The following FAM210A variants were observed in gnomAD, a reference collection of about 807,000 sequenced individuals.
FAM210A encodes mitochondrial inner membrane scaffold 1, also known as family with sequence similarity 210 member A.
In FAM210A, 13 loss-of-function variants were observed where a neutral mutation model predicts 25.3. The ratio of observed to expected loss-of-function variants is 0.51; its 90% CI spans 0.33 to 0.82. The LOEUF (loss-of-function observed/expected upper bound fraction) is 0.82, where lower values mean the gene tolerates loss of function less well. Among genes scored for constraint, FAM210A ranks in the 40% least tolerant of loss-of-function variants. The pLI, the probability that FAM210A is intolerant of heterozygous loss-of-function variation, is 0.02. For missense variants in FAM210A, 319 were observed against 323.2 expected (o/e 0.99, Z 0.10); for synonymous variants, 125 against 118.7 (o/e 1.05, Z -0.35).
intron 1 of FAM210A, among the ~76,000 whole-genome samples, chr18:13,683,048 A>G (rs1372606986): frequency 6.6e-6 from 1 of 152,172 alleles, no homozygotes; most frequent in Non-Finnish European, 1.5e-5. Context: ...ATATAATTCC[A>G]CATAATTCCC....
At chr18:13,691,153 T>C (rs769475279) in intron 1 of FAM210A, among the ~76,000 whole-genome samples, 12 of 152,120 alleles carry the variant, frequency 7.9e-5, no homozygotes, top group Non-Finnish European at 1.3e-4. Context: ...AGAAAGGGTA[T>C]CAGTGATTGA....
chr18:13,685,290 A>T (rs2043587233), intron 1 of FAM210A, among the ~76,000 whole-genome samples: 1 of 145,570 alleles, frequency 6.9e-6, no homozygotes, highest in Non-Finnish European at 1.5e-5. Flanking sequence ...GACCCTGCAA[A>T]GCCATTTTTT....
intron 1 of FAM210A, among the ~76,000 whole-genome samples, chr18:13,714,124 T>TTG (rs2043842941): frequency 6.6e-6 from 1 of 152,230 alleles, no homozygotes; most frequent in Non-Finnish European, 1.5e-5. Flanking sequence ...TGTAACCCTT[T>TTG]TGGCACCTAG....
At chr18:13,693,647 A>G (rs2043668538) in intron 1 of FAM210A, among the ~76,000 whole-genome samples, 1 of 152,234 alleles carries the variant, frequency 6.6e-6, no homozygotes, top group Admixed American at 6.5e-5. Flanking sequence ...CAAAAACCAC[A>G]TGATTATCTC....
chr18:13,682,868 C>T (rs1027097497), intron 1 of FAM210A, among the ~76,000 whole-genome samples: 1 of 151,974 alleles, frequency 6.6e-6, no homozygotes, highest in African/African-American at 2.4e-5. Flanking sequence ...GACTCCGTTT[C>T]AAAAATAAAA....
At position 13,664,875 on chromosome 18, in the gene FAM210A, G is replaced by A. The variant is rs962120874; in HGVS notation, c.*1605C>T. 3 of 152,344 alleles carry A rather than the reference G, an allele frequency of 2.0e-5. No individual in the cohort carries two copies. Among genetic ancestry groups the A allele is most frequent in the Middle Eastern group, 3.4e-3 (1 of 294 alleles). The allele number at this position is 152,344 out of a possible 1,614,324, so 9.4% of individuals were successfully genotyped here. On this transcript the variant is annotated 3_prime_UTR_variant, in exon 4 of 4. Transcript: ENST00000651643. ...ACCCAGACATTCTCTCGCCTTAGCA[G>A]ATAAGTCAAAACAAGGACAATCTAA...
intron 1 of FAM210A, among the ~76,000 whole-genome samples, chr18:13,708,106 G>A (rs935776241): frequency 1.3e-5 from 2 of 152,136 alleles, no homozygotes; most frequent in Non-Finnish European, 2.9e-5. Flanking sequence ...TCTCTGCTGC[G>A]GTTCCCATTG....
At chr18:13,684,602 T>C (rs2043581364) in intron 1 of FAM210A, among the ~76,000 whole-genome samples, 2 of 152,176 alleles carry the variant, frequency 1.3e-5, no homozygotes, top group East Asian at 3.9e-4. Flanking sequence ...GGAAAGAAAT[T>C]CACTCTTAGA....
At chr18:13,674,223 C>A (rs1177528873) in intron 2 of FAM210A, among the ~76,000 whole-genome samples, 17 of 121,782 alleles carry the variant, frequency 1.4e-4, no homozygotes, top group South Asian at 2.9e-4. Flanking sequence ...CATTCCTGAG[C>A]CCCGACTTTA....
chr18:13,693,502 A>G (rs1192388924), intron 1 of FAM210A, among the ~76,000 whole-genome samples: 1 of 152,254 alleles, frequency 6.6e-6, no homozygotes, highest in Admixed American at 6.5e-5. Context: ...TCAATAAAAT[A>G]CTGGCAAACC....
At chr18:13,689,690 T>C (rs1238706251) in intron 1 of FAM210A, among the ~76,000 whole-genome samples, 3 of 152,190 alleles carry the variant, frequency 2.0e-5, no homozygotes, top group Non-Finnish European at 4.4e-5. Flanking sequence ...ATTTAAAAAG[T>C]ATACCGATTG....
chr18:13,691,451 T>C (rs1413587873), intron 1 of FAM210A, among the ~76,000 whole-genome samples: 1 of 152,048 alleles, frequency 6.6e-6, no homozygotes, highest in Non-Finnish European at 1.5e-5. Context: ...AGACACATAA[T>C]TGTCAGATTC....
At chr18:13,705,540 C>T (rs1369860296) in intron 1 of FAM210A, among the ~76,000 whole-genome samples, 2 of 152,122 alleles carry the variant, frequency 1.3e-5, no homozygotes, top group Non-Finnish European at 2.9e-5. Context: ...GGCATGATCT[C>T]GGCCCACTGC....
intron 1 of FAM210A, among the ~76,000 whole-genome samples, chr18:13,701,114 G>C (rs2043735823): frequency 6.6e-6 from 1 of 152,178 alleles, no homozygotes; most frequent in African/African-American, 2.4e-5. Context: ...AGTGGGATCT[G>C]AAATAGAGCT....
chr18:13,687,137 G>T lies in FAM210A; in HGVS notation c.-28-5032C>A, dbSNP rs1787877. Among the ~76,000 whole-genome samples, 3 of 152,176 alleles carry T rather than the reference G, an allele frequency of 2.0e-5. No individual in the cohort carries two copies. In the South Asian group the frequency reaches 6.2e-4, roughly 32 times the overall value. Reference sequence around the variant, plus strand: ...AACTTAAAGGTATATTTAAGAATCAGCTGGGAATAAAAATGAAATTGTAAT... The same window carrying T: ...AACTTAAAGGTATATTTAAGAATCATCTGGGAATAAAAATGAAATTGTAAT... On this transcript the variant is annotated intron_variant, in intron 1 of 3. Transcript: ENST00000651643.
intron 1 of FAM210A, among the ~76,000 whole-genome samples, chr18:13,722,657 A>G (rs1049444055): frequency 6.6e-6 from 1 of 152,194 alleles, no homozygotes; most frequent in Admixed American, 6.5e-5. Context: ...GACCAAGGTG[A>G]GAAGGGAATT....
At chr18:13,703,276 A>G (rs1032311702) in intron 1 of FAM210A, among the ~76,000 whole-genome samples, 12 of 152,174 alleles carry the variant, frequency 7.9e-5, no homozygotes, top group African/African-American at 2.9e-4. Flanking sequence ...CTATGGGGAA[A>G]CACTGAGCTC....
At chr18:13,669,021 T>G (rs1446421994) in intron 3 of FAM210A, among the ~76,000 whole-genome samples, 2 of 152,204 alleles carry the variant, frequency 1.3e-5, no homozygotes, top group Non-Finnish European at 2.9e-5. Flanking sequence ...ATTCTTCCAG[T>G]TGTCCGGGCC....
chr18:13,694,161 C>T (rs55682231), intron 1 of FAM210A, among the ~76,000 whole-genome samples: 16,558 of 152,216 alleles, frequency 0.11, 1,218 homozygotes, highest in Non-Finnish European at 0.17. Context: ...AGGAATCCAA[C>T]TTACAAGGGA....
Sources: allele counts gnomAD v4.1 joint callset (sites outside exome capture counted in the v4.1 genomes callset), GRCh38; gene constraint gnomAD v4.1.1; transcripts MANE v1.5; gene names NCBI Gene and HGNC (gene_info 2026-07-23, HGNC 2026-07-21).